Variants in ANKIB1 observed in about 807,000 individuals in gnomAD.
ANKIB1 encodes the protein ankyrin repeat and IBR domain containing 1.
ANKIB1 carries 43 observed loss-of-function variants against 122.1 expected under a neutral mutation model. The ratio of observed to expected loss-of-function variants is 0.35; its 90% confidence interval spans 0.28 to 0.45. The LOEUF is 0.45. Ranked by LOEUF, ANKIB1 falls within the 20% of genes least tolerant of loss-of-function variation. ANKIB1 has a pLI of 1.00. For synonymous variants in ANKIB1, 390 were observed against 442.0 expected (o/e 0.88, Z 1.48); for missense variants, 992 against 1,329.5 (o/e 0.75, Z 3.95).
At chr7:92,336,685 C>T (rs751627353) in intron 5 of ANKIB1, among the ~76,000 whole-genome samples, 1 of 152,108 alleles carries the variant, frequency 6.6e-6, no homozygotes, top group Admixed American at 6.5e-5. Context: ...CACCCTGAAT[C>T]TAATCTCAGG....
intron 4 of ANKIB1, among the ~76,000 whole-genome samples, chr7:92,321,724 T>A (rs1802917080): frequency 6.6e-6 from 1 of 152,216 alleles, no homozygotes; most frequent in Non-Finnish European, 1.5e-5. Flanking sequence ...ATTTTCCCCA[T>A]GGATTCCCAA....
At position 92,381,799 on chromosome 7, in the gene ANKIB1, A is replaced by G. The variant is rs773931248; in HGVS notation, c.1618-4710A>G. The stretch of plus-strand genomic sequence containing the variant: ...CCACTGCCAAAACATGCCAAATTGT[A>G]AAGACCATCGATGCTAGGAAGAAAC... On this transcript the variant is annotated intron_variant, in intron 11 of 19. Coordinates refer to ENST00000265742, the MANE Select transcript of ANKIB1 (RefSeq NM_019004.2). 1.6e-4 allele frequency among the ~76,000 whole-genome samples: 25 copies of G among 152,332 alleles called. No homozygotes were observed. In the East Asian group the frequency reaches 4.0e-3, roughly 25 times the overall value.
intron 1 of ANKIB1, among the ~76,000 whole-genome samples, chr7:92,271,090 G>C (rs1801781329): frequency 6.6e-6 from 1 of 151,952 alleles, no homozygotes; most frequent in African/African-American, 2.4e-5. Flanking sequence ...ATAGTTTTAA[G>C]TCTTGCTTTT....
rs542366240 is a variant in ANKIB1, at chr7:92,246,206, C to G, written c.-404C>G. ...CGAGGCGGAGGCAAGAGCCACCGCCCCCTCTTCCCCTCCCCCGAGTGAGGC... is the reference window on the plus strand; with the variant it reads ...CGAGGCGGAGGCAAGAGCCACCGCCGCCTCTTCCCCTCCCCCGAGTGAGGC... On this transcript the variant is annotated 5_prime_UTR_variant, in exon 1 of 20. Transcript: ENST00000265742. The G allele has an allele frequency of 2.7e-6, 1 of 368,636 alleles. No homozygotes were observed. The highest frequency in any genetic ancestry group is 1.3e-4 in the East Asian group (1 of 7,600). The allele number at this position is 368,636 out of a possible 1,614,324, so 22.8% of individuals were successfully genotyped here. A position where few individuals can be genotyped will look rare whatever the true frequency, so the allele number is the denominator to read the frequency against.
chr7:92,353,343 T>G (rs762164267), intron 9 of ANKIB1, among the ~76,000 whole-genome samples: 30 of 152,192 alleles, frequency 2.0e-4, no homozygotes, highest in Admixed American at 9.8e-4. Flanking sequence ...AAATCAGTAT[T>G]GGAAAGGATA....
At chr7:92,386,453 A>G (rs1188666173) in intron 11 of ANKIB1, 56 bp from the exon 12 acceptor site, 2 of 1,492,464 alleles carry the variant, frequency 1.3e-6, no homozygotes, top group African/African-American at 2.8e-5. Context: ...TATAAAGCAG[A>G]AAATAATTTG....
intron 1 of ANKIB1, among the ~76,000 whole-genome samples, chr7:92,267,963 G>A (rs933064939): frequency 2.0e-5 from 3 of 152,134 alleles, no homozygotes; most frequent in African/African-American, 7.2e-5. Flanking sequence ...TAGAACATAC[G>A]CCTTTGCTTC....
intron 10 of ANKIB1, among the ~76,000 whole-genome samples, chr7:92,364,445 G>A (rs538769758): frequency 4.3e-4 from 63 of 147,260 alleles, no homozygotes; most frequent in African/African-American, 1.5e-3. Flanking sequence ...ATATGTGTTT[G>A]TCTTCCATAA....
intron 1 of ANKIB1, among the ~76,000 whole-genome samples, chr7:92,292,007 T>C (rs1374264828): frequency 4.6e-5 from 7 of 152,202 alleles, no homozygotes; most frequent in Non-Finnish European, 7.3e-5. Context: ...TTTCGCCTGT[T>C]TGGTACTCCA....
At chr7:92,258,954 T>C (rs1210458564) in intron 1 of ANKIB1, among the ~76,000 whole-genome samples, 3 of 147,548 alleles carry the variant, frequency 2.0e-5, no homozygotes, top group Non-Finnish European at 4.4e-5. Flanking sequence ...TTTTGTTTTG[T>C]TTTGTTTTGT....
chr7:92,316,465 C>A (rs1333513745), intron 3 of ANKIB1, among the ~76,000 whole-genome samples: 1 of 152,162 alleles, frequency 6.6e-6, no homozygotes, highest in Non-Finnish European at 1.5e-5. Context: ...GTCTTCCATG[C>A]CAAAGATAAC....
intron 5 of ANKIB1, among the ~76,000 whole-genome samples, chr7:92,332,483 T>A (rs1585111747): frequency 1.3e-5 from 2 of 152,306 alleles, no homozygotes; most frequent in African/African-American, 2.4e-5. Flanking sequence ...TTAGCAGTAT[T>A]TATTAAATGG....
intron 3 of ANKIB1, among the ~76,000 whole-genome samples, chr7:92,309,128 T>A (rs955589382): frequency 1.3e-5 from 2 of 152,260 alleles, no homozygotes; most frequent in African/African-American, 4.8e-5. Flanking sequence ...TTACTGCTAA[T>A]GTTTGTGATA....
chr7:92,357,571 C>CA (rs1369247792), intron 9 of ANKIB1, among the ~76,000 whole-genome samples: 2 of 151,598 alleles, frequency 1.3e-5, no homozygotes, highest in Non-Finnish European at 2.9e-5. Context: ...CCTGTCTCTA[C>CA]AAAAAATACA....
At chr7:92,339,057 T>TTTTG (rs1803375140) in intron 5 of ANKIB1, among the ~76,000 whole-genome samples, 1 of 135,986 alleles carries the variant, frequency 7.4e-6, no homozygotes, top group Non-Finnish European at 1.6e-5. Context: ...TTTTTTTTTT[T>TTTTG]TTGAGACTGA....
chr7:92,295,724 C>G (rs528141591), intron 2 of ANKIB1, among the ~76,000 whole-genome samples: 1 of 152,240 alleles, frequency 6.6e-6, no homozygotes, highest in Non-Finnish European at 1.5e-5. Flanking sequence ...AAAATCCAAA[C>G]ATTTTCTTAA....
intron 1 of ANKIB1, among the ~76,000 whole-genome samples, chr7:92,285,005 G>A (rs1324355334): frequency 1.3e-5 from 2 of 152,174 alleles, no homozygotes; most frequent in Non-Finnish European, 2.9e-5. Flanking sequence ...AGAACAACCC[G>A]TGAATGTTTG....
chr7:92,366,518 CT>C (rs1490535405), intron 10 of ANKIB1, among the ~76,000 whole-genome samples: 2 of 152,198 alleles, frequency 1.3e-5, no homozygotes, highest in African/African-American at 4.8e-5. Flanking sequence ...CTCAAGCAGT[CT>C]TAAACTATGG....
In ANKIB1 at chr7:92,375,985, A is replaced by G. The variant is rs547005085; in HGVS notation, c.1617+4378A>G. On this transcript the variant is annotated intron_variant, in intron 11 of 19. Coordinates refer to ENST00000265742, the MANE Select transcript of ANKIB1 (RefSeq NM_019004.2). Reference sequence around the variant, plus strand: ...CTCTTGGATGACCATGTGCATTGCCAATGAGCAGTAATATTTTAAAAGGAA... The same window carrying G: ...CTCTTGGATGACCATGTGCATTGCCGATGAGCAGTAATATTTTAAAAGGAA... 4.6e-5 allele frequency among the ~76,000 whole-genome samples: 7 copies of G among 152,342 alleles called. No individual in the cohort carries two copies. The South Asian group carries it at 1.5e-3, about 32-fold the overall frequency.
Sources: allele counts gnomAD v4.1 joint callset (sites outside exome capture counted in the v4.1 genomes callset), GRCh38; gene constraint gnomAD v4.1.1; transcripts MANE v1.5; gene names NCBI Gene and HGNC (gene_info 2026-07-23, HGNC 2026-07-21).